GALNT10: variants seen among roughly 807,000 people sequenced by gnomAD.
The protein encoded by GALNT10 is polypeptide N-acetylgalactosaminyltransferase 10.
GALNT10 carries 41 observed loss-of-function variants against 75.0 expected under a neutral mutation model. That is an observed-to-expected ratio of 0.55 (90% CI 0.43 to 0.71). The LOEUF is 0.71. GALNT10 is among the 30% of genes least tolerant of loss of function. The probability of loss-of-function intolerance (pLI) is 0.00; values close to 1 mark genes in which losing one functional copy is unlikely to be tolerated. For missense variants in GALNT10, 727 were observed against 818.5 expected (o/e 0.89, Z 1.36); for synonymous variants, 302 against 313.0 (o/e 0.96, Z 0.37).
In GALNT10 at chr5:154,409,726, C is replaced by T. The variant is rs1233850934; in HGVS notation, c.1350C>T (p.Tyr450=). The T allele has an allele frequency of 1.9e-6, 3 of 1,613,920 alleles. No homozygotes were observed. The African/African-American group carries it at 4.0e-5, about 22-fold the overall frequency. ...TAGCCTGGGACCTGCCCAAATTCTA[C>T]CCACCCGTGGAGCCCCCGGCTGCAG... The part of the protein sequence containing the change: ...TKIAWDLPKF[Y]PPVEPPAAAW... Residue 450 remains tyrosine, a synonymous_variant, in exon 9 of 12, where the codon TAC becomes TAT. Transcript: ENST00000297107. This position sits in a 1 kb window ranked among gnomAD's most constrained non-coding sequence, Gnocchi z 4.5.
At chr5:154,379,584 C>A (rs1027744311) in intron 5 of GALNT10, among the ~76,000 whole-genome samples, 2 of 152,144 alleles carry the variant, frequency 1.3e-5, no homozygotes, top group African/African-American at 4.8e-5. Flanking sequence ...CTCACTGTTA[C>A]CCCCCAGCTG....
intron 1 of GALNT10, among the ~76,000 whole-genome samples, chr5:154,279,482 T>G (rs750277380): frequency 1.8e-4 from 28 of 152,028 alleles, no homozygotes; most frequent in Non-Finnish European, 5.9e-5. Context: ...TTTGTATTTT[T>G]AGTAGAGACG....
In GALNT10 at chr5:154,298,099, A is replaced by G. The variant is rs371894452; in HGVS notation, c.401+20A>G. 6 of 1,606,778 alleles carry G rather than the reference A, an allele frequency of 3.7e-6. No individual in the cohort carries two copies. Among genetic ancestry groups the G allele is most frequent in the Admixed American group, 1.7e-5 (1 of 59,298 alleles). On this transcript the variant is annotated intron_variant, in intron 3 of 11. Transcript: ENST00000297107. The surrounding 1 kb of genome is among the most constrained non-coding windows in gnomAD (Gnocchi z 4.1). ...CCCAAAGTGAGTGTAACATCTCTCA[A>G]ATTCTGAGATCTAAGGATGTTTCCC... is the stretch of plus-strand genomic sequence containing the variant.
At chr5:154,319,641 G>T (rs1754645779) in intron 3 of GALNT10, among the ~76,000 whole-genome samples, 2 of 152,226 alleles carry the variant, frequency 1.3e-5, no homozygotes, top group South Asian at 4.1e-4. Context: ...AGGTTATATT[G>T]CCTGGCCCAC....
At position 154,291,292 on chromosome 5, in the gene GALNT10, A is replaced by C. The variant is rs138076299; in HGVS notation, c.160-3524A>C. 1.3e-3 allele frequency among the ~76,000 whole-genome samples: 196 copies of C among 152,272 alleles called. 1 individual carries two copies. The highest frequency in any genetic ancestry group is 4.5e-3 in the African/African-American group (186 of 41,550). ...TAGAGGAAATAGTATCCTTCATGGA[A>C]TCTTAGACTCTTGAAGGGCCCTTTA... On this transcript the variant is annotated intron_variant, in intron 1 of 11. Transcript: ENST00000297107.
chr5:154,221,071 C>T (rs898257347), intron 1 of GALNT10, among the ~76,000 whole-genome samples: 4 of 152,108 alleles, frequency 2.6e-5, no homozygotes, highest in Non-Finnish European at 4.4e-5. Context: ...GCACTTTTGT[C>T]CTTCACAAGT....
intron 1 of GALNT10, among the ~76,000 whole-genome samples, chr5:154,279,709 T>C (rs911886800): frequency 1.3e-5 from 2 of 152,106 alleles, no homozygotes; most frequent in African/African-American, 4.8e-5. Context: ...TCCTCCCAAG[T>C]AGCTGGGACT....
At chr5:154,208,321 G>A (rs80166576) in intron 1 of GALNT10, among the ~76,000 whole-genome samples, 1,564 of 152,236 alleles carry the variant, frequency 0.01, 32 homozygotes, top group African/African-American at 0.036. Context: ...GCACAGTGAA[G>A]GATTCACGTT....
intron 1 of GALNT10, among the ~76,000 whole-genome samples, chr5:154,249,148 C>G (rs940171930): frequency 1.2e-4 from 18 of 152,204 alleles, no homozygotes; most frequent in African/African-American, 4.3e-4. Context: ...CTTTTCCTTT[C>G]ACATAATGCA....
At chr5:154,223,158 C>T (rs564649582) in intron 1 of GALNT10, among the ~76,000 whole-genome samples, 3 of 152,324 alleles carry the variant, frequency 2.0e-5, no homozygotes, top group Non-Finnish European at 4.4e-5. Flanking sequence ...CATAATCAGA[C>T]ATGGACACTG....
chr5:154,213,803 A>G (rs1043291846), intron 1 of GALNT10, among the ~76,000 whole-genome samples: 3 of 152,160 alleles, frequency 2.0e-5, no homozygotes, highest in Non-Finnish European at 4.4e-5. Context: ...GCTGGTCTCA[A>G]GACTCCTGGC....
chr5:154,209,199 G>A (rs775538314), intron 1 of GALNT10, among the ~76,000 whole-genome samples: 4 of 152,244 alleles, frequency 2.6e-5, no homozygotes, highest in East Asian at 1.9e-4. Context: ...GGCCATGCAC[G>A]CTGCAGGAGG....
chr5:154,347,259 C>T (rs1447793445), intron 4 of GALNT10: 1 of 466,554 alleles, frequency 2.1e-6, no homozygotes, highest in Admixed American at 2.9e-5. Flanking sequence ...ACTGGACAAG[C>T]GCATGGCAGA....
At chr5:154,332,740 A>G (rs1476999618) in intron 4 of GALNT10, among the ~76,000 whole-genome samples, 1 of 152,214 alleles carries the variant, frequency 6.6e-6, no homozygotes, top group Non-Finnish European at 1.5e-5. Context: ...CCAGCAAGAC[A>G]GATGTGGCTG....
chr5:154,204,288 A>T (rs746787081), intron 1 of GALNT10, among the ~76,000 whole-genome samples: 3 of 152,218 alleles, frequency 2.0e-5, no homozygotes, highest in African/African-American at 2.4e-5. Flanking sequence ...TCTCTGAAAC[A>T]GATTCCAAAT....
intron 1 of GALNT10, among the ~76,000 whole-genome samples, chr5:154,237,017 G>T (rs1425720786): frequency 6.6e-6 from 1 of 152,186 alleles, no homozygotes; most frequent in Non-Finnish European, 1.5e-5. Context: ...CCATATGGAT[G>T]CCCTTCACAG....
chr5:154,395,756 C>A (rs1363645839), intron 7 of GALNT10, among the ~76,000 whole-genome samples: 1 of 152,200 alleles, frequency 6.6e-6, no homozygotes, highest in Non-Finnish European at 1.5e-5. Context: ...TGTGAACTGG[C>A]AGGCACAGTC....
At position 154,202,863 on chromosome 5, in the gene GALNT10, C is replaced by T. The variant is rs141861384; in HGVS notation, c.159+11838C>T. Among the ~76,000 whole-genome samples the T allele has an allele frequency of 2.6e-4, 39 of 152,260 alleles. No homozygotes were observed. In the East Asian group the frequency reaches 7.2e-3, roughly 28 times the overall value. On this transcript the variant is annotated intron_variant, in intron 1 of 11. Transcript: ENST00000297107. ...GGGTGGGGTCTCCCAGCAGAGTCAG[C>T]CTGGGGTGTGCCTCTCTGCTTCTCC...
intron 3 of GALNT10, among the ~76,000 whole-genome samples, chr5:154,305,522 A>G (rs926561550): frequency 6.6e-6 from 1 of 152,256 alleles, no homozygotes; most frequent in African/African-American, 2.4e-5. Flanking sequence ...CAGAAAAGAT[A>G]TACCATGCTA....
Sources: allele counts gnomAD v4.1 joint callset (sites outside exome capture counted in the v4.1 genomes callset), GRCh38; gene constraint gnomAD v4.1.1; non-coding constraint Gnocchi (gnomAD v3.1); transcripts MANE v1.5; gene names NCBI Gene and HGNC (gene_info 2026-07-23, HGNC 2026-07-21).